Variants in RABGAP1L observed in about 807,000 individuals in gnomAD.
RABGAP1L encodes the protein rab GTPase-activating protein 1-like.
Under a neutral mutation model 137.7 loss-of-function variants are expected in RABGAP1L, and 63 were observed. That is an observed-to-expected ratio of 0.46 (90% confidence interval 0.37 to 0.56). RABGAP1L has a LOEUF of 0.56. Ranked by LOEUF, RABGAP1L falls within the 20% of genes least tolerant of loss-of-function variation. The pLI is 0.00. For missense variants in RABGAP1L, 1,095 were observed against 1,244.0 expected (o/e 0.88, Z 1.80); for synonymous variants, 431 against 433.7 (o/e 0.99, Z 0.08).
intron 19 of RABGAP1L, among the ~76,000 whole-genome samples, chr1:174,940,262 GTTTC>G (rs1352394240): frequency 6.9e-6 from 1 of 144,210 alleles, no homozygotes; most frequent in African/African-American, 2.6e-5. Flanking sequence ...TTGTTTGTTT[GTTTC>G]TTTTTTTTTT....
Position 174,550,999 on chromosome 1 carries a change from C to CATATAT in RABGAP1L, c.1711-86358_1711-86353dup, listed in dbSNP as rs549477266. On this transcript the variant is annotated intron_variant, in intron 13 of 25. Coordinates refer to ENST00000681986, the MANE Select transcript of RABGAP1L (RefSeq NM_001366446.1). Reference sequence around the variant, plus strand: ...GTATATATACATATATATATATACACATATATATATATATATATATATACA... The same window carrying CATATAT: ...GTATATATACATATATATATATACACATATATATATATATATATATATATATATACA... Among the ~76,000 whole-genome samples the CATATAT allele has an allele frequency of 1.7e-3, 149 of 86,334 alleles. 4 individuals are homozygous for CATATAT. The highest frequency in any genetic ancestry group is 8.9e-3 in the South Asian group (29 of 3,266). 56.6% of individuals were successfully genotyped at this position (86,334 alleles called of 152,430 possible). A position where few individuals can be genotyped will look rare whatever the true frequency, so the allele number is the denominator to read the frequency against.
chr1:174,316,519 A>C (rs1679389685), intron 11 of RABGAP1L, among the ~76,000 whole-genome samples: 1 of 152,200 alleles, frequency 6.6e-6, no homozygotes. Context: ...GTCTTGGATA[A>C]GATCTGGGAG....
At chr1:174,514,247 C>CAAAAA (rs776487855) in intron 13 of RABGAP1L, among the ~76,000 whole-genome samples, 3 of 81,066 alleles carry the variant, frequency 3.7e-5, no homozygotes, top group African/African-American at 4.3e-5. Context: ...TATTTTAAGC[C>CAAAAA]AAAAAAAAAA....
chr1:174,715,744 CAG>C (rs958904927), intron 17 of RABGAP1L, among the ~76,000 whole-genome samples: 1 of 152,212 alleles, frequency 6.6e-6, no homozygotes, highest in Non-Finnish European at 1.5e-5. Flanking sequence ...CATTTTAAGA[CAG>C]AAATAGTAAT....
At chr1:174,338,332 G>T (rs2148884452) in intron 11 of RABGAP1L, among the ~76,000 whole-genome samples, 1 of 152,264 alleles carries the variant, frequency 6.6e-6, no homozygotes, top group South Asian at 2.1e-4. Context: ...TTTCTTAAGA[G>T]TGGCAATTGA....
chr1:174,647,047 A>C (rs746573486), intron 14 of RABGAP1L, among the ~76,000 whole-genome samples: 2 of 152,142 alleles, frequency 1.3e-5, no homozygotes, highest in Non-Finnish European at 2.9e-5. Flanking sequence ...TGATTTTTGC[A>C]CATTGATTTT....
intron 19 of RABGAP1L, among the ~76,000 whole-genome samples, chr1:174,953,035 C>CAAAAAAA (rs34788853): frequency 1.0e-5 from 1 of 97,358 alleles, no homozygotes. Flanking sequence ...GGGTGGCATG[C>CAAAAAAA]AAAAAAAAAA....
At chr1:174,726,272 C>G (rs926346752) in intron 17 of RABGAP1L, among the ~76,000 whole-genome samples, 5 of 151,696 alleles carry the variant, frequency 3.3e-5, no homozygotes, top group African/African-American at 1.2e-4. Flanking sequence ...TCTAGCTCTT[C>G]TTATTAGTTA....
chr1:174,446,004 G>T (rs1447253293), intron 13 of RABGAP1L, among the ~76,000 whole-genome samples: 2 of 152,196 alleles, frequency 1.3e-5, no homozygotes, highest in East Asian at 1.9e-4. Context: ...AGTTTCAGCT[G>T]CAGTAGCCAT....
chr1:174,843,041 AATT>A (rs992232476), intron 19 of RABGAP1L, among the ~76,000 whole-genome samples: 2 of 152,130 alleles, frequency 1.3e-5, no homozygotes, highest in Non-Finnish European at 2.9e-5. Flanking sequence ...CTGTAAAAAC[AATT>A]ATTCCATACT....
chr1:174,514,370 G>C (rs1361503424), intron 13 of RABGAP1L, among the ~76,000 whole-genome samples: 2 of 151,944 alleles, frequency 1.3e-5, no homozygotes, highest in Non-Finnish European at 2.9e-5. Context: ...GACAAGAAAT[G>C]GAAAGGAAGT....
intron 13 of RABGAP1L, among the ~76,000 whole-genome samples, chr1:174,554,463 C>T (rs1666746675): frequency 6.6e-6 from 1 of 152,102 alleles, no homozygotes; most frequent in Non-Finnish European, 1.5e-5. Context: ...CTTAGTGTGT[C>T]TGTGTCCCCT....
chr1:174,868,001 C>T (rs1010133758), intron 19 of RABGAP1L, among the ~76,000 whole-genome samples: 43 of 151,748 alleles, frequency 2.8e-4, no homozygotes, highest in African/African-American at 1.0e-3. Flanking sequence ...AGTCTTGCTC[C>T]GTCGCCCAGG....
chr1:174,920,449 G>A (rs1489258274), intron 19 of RABGAP1L, among the ~76,000 whole-genome samples: 1 of 152,156 alleles, frequency 6.6e-6, no homozygotes, highest in African/African-American at 2.4e-5. Flanking sequence ...CTCTGACCAG[G>A]TTCCTCTCAC....
Position 174,853,732 on chromosome 1 carries a change from T to C in RABGAP1L, c.2340+41772T>C, listed in dbSNP as rs1212534259. On this transcript the variant is annotated intron_variant, in intron 19 of 25. Coordinates refer to ENST00000681986, the MANE Select transcript of RABGAP1L (RefSeq NM_001366446.1). The stretch of plus-strand genomic sequence containing the variant: ...GGCGACAGAGCGAGACTCCACTCCA[T>C]CTCAAAAAAACAAAAAAAACAAAAA... 2.6e-5 allele frequency among the ~76,000 whole-genome samples: 4 copies of C among 151,700 alleles called. No homozygotes were observed. In the East Asian group the frequency reaches 7.7e-4, roughly 29 times the overall value.
intron 13 of RABGAP1L, among the ~76,000 whole-genome samples, chr1:174,420,933 C>G (rs1651209800): frequency 6.6e-6 from 1 of 152,064 alleles, no homozygotes; most frequent in South Asian, 2.1e-4. Flanking sequence ...CCTTGGCCTC[C>G]CAAAGTGCTG....
chr1:174,531,354 C>G (rs1664387115), intron 13 of RABGAP1L, among the ~76,000 whole-genome samples: 1 of 151,634 alleles, frequency 6.6e-6, no homozygotes, highest in Non-Finnish European at 1.5e-5. Flanking sequence ...ATTATAAACA[C>G]AATTGAAATA....
At chr1:174,221,674 A>G (rs1313465072) in intron 3 of RABGAP1L, among the ~76,000 whole-genome samples, 1 of 152,176 alleles carries the variant, frequency 6.6e-6, no homozygotes, top group African/African-American at 2.4e-5. Flanking sequence ...TAAAACCAAA[A>G]CCAGCTCCAA....
At chr1:174,627,289 C>A (rs907844987) in intron 13 of RABGAP1L, among the ~76,000 whole-genome samples, 1 of 152,208 alleles carries the variant, frequency 6.6e-6, no homozygotes, top group Admixed American at 6.5e-5. Context: ...TAGTTGTTGA[C>A]AGCCCAGAAA....
Sources: allele counts gnomAD v4.1 joint callset (sites outside exome capture counted in the v4.1 genomes callset), GRCh38; gene constraint gnomAD v4.1.1; transcripts MANE v1.5; gene names NCBI Gene and HGNC (gene_info 2026-07-23, HGNC 2026-07-21).